CYP27C1: variants seen among roughly 807,000 people sequenced by gnomAD.
CYP27C1 encodes the protein cytochrome P450 27C1.
In CYP27C1, 29 loss-of-function variants were observed where a neutral mutation model predicts 40.6. The observed-to-expected ratio is 0.71, with a 90% confidence interval of 0.53 to 0.97. CYP27C1 has a LOEUF of 0.97. Ranked by LOEUF, CYP27C1 falls within the 50% of genes least tolerant of loss-of-function variation. The pLI is 0.00. For missense variants in CYP27C1, 390 were observed against 485.8 expected (o/e 0.80, Z 1.85); for synonymous variants, 198 against 186.8 (o/e 1.06, Z -0.49).
intron 5 of CYP27C1, among the ~76,000 whole-genome samples, chr2:127,198,186 T>TACACAC (rs3033450): frequency 0.14 from 20,437 of 147,686 alleles, 1,862 homozygotes; most frequent in African/African-American, 0.26. Context: ...AATTTGTTGA[T>TACACAC]ACACACACAC....
chr2:127,193,753 C>T (rs1008596858), intron 7 of CYP27C1, 36 bp downstream of exon 7: 8 of 1,612,758 alleles, frequency 5.0e-6, no homozygotes, highest in South Asian at 4.4e-5. Context: ...AACCCCGACC[C>T]GCAAGGCCTG....
intron 8 of CYP27C1, among the ~76,000 whole-genome samples, chr2:127,191,611 A>G (rs1305906930): frequency 6.6e-6 from 1 of 152,224 alleles, no homozygotes; most frequent in Non-Finnish European, 1.5e-5. Context: ...CTTCTTGGGC[A>G]CAGACTCTGT....
chr2:127,206,192 A>C lies in CYP27C1; in HGVS notation c.283-102T>G, dbSNP rs187686401. Among the ~76,000 whole-genome samples, 532 of 152,366 alleles carry C rather than the reference A, an allele frequency of 3.5e-3. 4 individuals carry two copies. Among genetic ancestry groups the C allele is most frequent in the African/African-American group, 0.012 (493 of 41,584 alleles). On this transcript the variant is annotated intron_variant, in intron 1 of 8. Transcript: ENST00000664447. ...CTAGAGGAGCAGAAAATTGGGGCAG[A>C]GGGAAGTGCTATCTAACACAGCACT... is the stretch of plus-strand genomic sequence containing the variant.
intron 1 of CYP27C1, among the ~76,000 whole-genome samples, chr2:127,213,846 A>G (rs1244914723): frequency 1.3e-5 from 2 of 152,224 alleles, no homozygotes; most frequent in Admixed American, 1.3e-4. Flanking sequence ...CTGCACAGCA[A>G]AAGAAACTAT....
In CYP27C1 at chr2:127,184,318, T is replaced by C. The variant is rs1682567920; in HGVS notation, c.*2953A>G. The C allele has an allele frequency of 6.6e-6, 1 of 152,234 alleles. No individual in the cohort carries two copies. Among genetic ancestry groups the C allele is most frequent in the South Asian group, 2.1e-4 (1 of 4,830 alleles). The allele number at this position is 152,234 out of a possible 1,614,324, so 9.4% of individuals were successfully genotyped here. On this transcript the variant is annotated 3_prime_UTR_variant, in exon 9 of 9. Coordinates refer to ENST00000664447, the MANE Select transcript of CYP27C1 (RefSeq NM_001367502.1). ...TTACAAGTGGTTTATTTGAATCTGA[T>C]TCAAACGAAGTCCAGCATTGTACTT...
chr2:127,207,366 G>A (rs142105051), intron 1 of CYP27C1, among the ~76,000 whole-genome samples: 66 of 152,266 alleles, frequency 4.3e-4, no homozygotes, highest in African/African-American at 1.5e-3. Flanking sequence ...ATGGTGGTGT[G>A]CACCTGTAAT....
intron 1 of CYP27C1, among the ~76,000 whole-genome samples, chr2:127,217,313 C>T (rs887328645): frequency 6.6e-6 from 1 of 152,304 alleles, no homozygotes; most frequent in East Asian, 1.9e-4. Flanking sequence ...TCCCACTATG[C>T]CTCAGTTTCC....
Position 127,199,536 on chromosome 2 carries a change from T to TGG in CYP27C1, c.885_886dup (p.Gln296ProfsTer9). 6.2e-7 allele frequency: 1 copy of TGG among 1,612,892 alleles called. No homozygotes were observed. The highest frequency in any genetic ancestry group is 1.3e-5 in the African/African-American group (1 of 75,038). ...CCTCAACTTGTTGTCAACATGAATTTGGCCTGTTTGAAAACAGTATTTCTT... is the reference window on the plus strand; with the variant it reads ...CCTCAACTTGTTGTCAACATGAATTTGGGGCCTGTTTGAAAACAGTATTTCTT... On this transcript the variant is annotated frameshift_variant, in exon 5 of 9. Transcript: ENST00000664447. LOFTEE classifies it high-confidence loss of function.
At chr2:127,205,670 C>A (rs1031637296) in intron 2 of CYP27C1, 26 of 985,266 alleles carry the variant, frequency 2.6e-5, no homozygotes, top group Non-Finnish European at 3.0e-5. Context: ...ACGGAGCCAG[C>A]GTCGCCCCTC....
intron 1 of CYP27C1, among the ~76,000 whole-genome samples, chr2:127,207,194 G>A (rs1683245941): frequency 6.6e-6 from 1 of 151,954 alleles, no homozygotes; most frequent in Non-Finnish European, 1.5e-5. Flanking sequence ...GCAAAATTCT[G>A]TCTCTAAAAA....
At chr2:127,205,510 T>C (rs1683204953) in intron 2 of CYP27C1, 1 of 203,462 alleles carries the variant, frequency 4.9e-6, no homozygotes, top group Non-Finnish European at 8.7e-6. Flanking sequence ...CTGGAGGTTC[T>C]TAGCCCCTCG....
In CYP27C1 at chr2:127,196,065, CTTT is replaced by C. The variant is rs34966992; in HGVS notation, c.1048-567_1048-565del. On this transcript the variant is annotated intron_variant, in intron 5 of 8. Coordinates refer to ENST00000664447, the MANE Select transcript of CYP27C1 (RefSeq NM_001367502.1). This position sits in a 1 kb window ranked among gnomAD's most constrained non-coding sequence, Gnocchi z 4.5. ...ATAACTCGTCTATGCAAAGCAGTGT[CTTT>C]TTTTTTTTTTTTGAGACGGAGTCTC... is the stretch of plus-strand genomic sequence containing the variant. Among the ~76,000 whole-genome samples, 1,296 of 147,394 alleles carry C rather than the reference CTTT, an allele frequency of 8.8e-3. 13 individuals are homozygous for C. Among genetic ancestry groups the C allele is most frequent in the African/African-American group, 0.029 (1,162 of 40,052 alleles).
At chr2:127,204,468 GAAAGA>G (rs1683136448) in intron 2 of CYP27C1, among the ~76,000 whole-genome samples, 6 of 58,630 alleles carry the variant, frequency 1.0e-4, no homozygotes, top group Admixed American at 5.0e-4. Context: ...AAGAAAGAAA[GAAAGA>G]AAGAAAGAAA....
chr2:127,204,921 G>A (rs1683191421), intron 2 of CYP27C1, among the ~76,000 whole-genome samples: 3 of 152,202 alleles, frequency 2.0e-5, no homozygotes, highest in African/African-American at 7.2e-5. Flanking sequence ...GCGTTCTCAA[G>A]GAGACCACCT....
chr2:127,198,744 G>A (rs1303292586), intron 5 of CYP27C1, among the ~76,000 whole-genome samples: 2 of 152,302 alleles, frequency 1.3e-5, no homozygotes, highest in East Asian at 3.9e-4. Context: ...GTACAGTTGT[G>A]TAGCCTAGGA....
At chr2:127,215,054 G>T (rs959321193) in intron 1 of CYP27C1, among the ~76,000 whole-genome samples, 63 of 150,798 alleles carry the variant, frequency 4.2e-4, no homozygotes, top group Non-Finnish European at 4.3e-4. Flanking sequence ...GCGTGAACCC[G>T]GGAGGCGGAG....
chr2:127,211,361 G>GTTTTTTTGTTT (rs1683331918), intron 1 of CYP27C1, among the ~76,000 whole-genome samples: 1 of 103,598 alleles, frequency 9.7e-6, no homozygotes. Flanking sequence ...CTAAAGCAGT[G>GTTTTTTTGTTT]TTTTTTTGTT....
intron 1 of CYP27C1, among the ~76,000 whole-genome samples, chr2:127,213,200 T>TA (rs1489213577): frequency 6.6e-6 from 1 of 151,956 alleles, no homozygotes; most frequent in Non-Finnish European, 1.5e-5. Flanking sequence ...ATTCCATCCT[T>TA]ATGGATAGGA....
chr2:127,187,223 G>A lies in CYP27C1; in HGVS notation c.*48C>T. On this transcript the variant is annotated 3_prime_UTR_variant, in exon 9 of 9. Coordinates refer to ENST00000664447, the MANE Select transcript of CYP27C1 (RefSeq NM_001367502.1). ...ATCAGCGAACACAAATACCCACTGT[G>A]TGTCGGCGAGCTGGTCTGCTACATC... is the stretch of plus-strand genomic sequence containing the variant. 2.7e-6 allele frequency: 4 copies of A among 1,462,858 alleles called. No individual in the cohort carries two copies. The highest frequency in any genetic ancestry group is 1.7e-5 in the Admixed American group (1 of 59,642). 90.6% of individuals were successfully genotyped at this position (1,462,858 alleles called of 1,614,324 possible).
Sources: allele counts gnomAD v4.1 joint callset (sites outside exome capture counted in the v4.1 genomes callset), GRCh38; gene constraint gnomAD v4.1.1; non-coding constraint Gnocchi (gnomAD v3.1); transcripts MANE v1.5; gene names NCBI Gene and HGNC (gene_info 2026-07-23, HGNC 2026-07-21).